Variants in NUDT5 observed in about 807,000 individuals in gnomAD.
The protein encoded by NUDT5 is ADP-sugar pyrophosphatase.
In NUDT5, 21 loss-of-function variants were observed where a neutral mutation model predicts 34.1. The ratio of observed to expected loss-of-function variants is 0.62; its 90% CI spans 0.44 to 0.89. The LOEUF (loss-of-function observed/expected upper bound fraction) is 0.89, where lower values mean the gene tolerates loss of function less well. Ranked by LOEUF, NUDT5 falls within the 40% of genes least tolerant of loss-of-function variation. The pLI, the probability that NUDT5 is intolerant of heterozygous loss-of-function variation, is 0.00. For synonymous variants in NUDT5, 85 were observed against 97.6 expected (o/e 0.87, Z 0.76); for missense variants, 249 against 274.8 (o/e 0.91, Z 0.66).
chr10:12,186,641 T>G (rs1835135954), intron 1 of NUDT5, among the ~76,000 whole-genome samples: 1 of 151,800 alleles, frequency 6.6e-6, no homozygotes, highest in Non-Finnish European at 1.5e-5. Flanking sequence ...TCTTTTTTGT[T>G]TTTTTTGAGA....
rs1564422352 is a variant in NUDT5, at chr10:12,171,915, G to A, written c.487+850C>T. Among the ~76,000 whole-genome samples, 2 of 151,844 alleles carry A rather than the reference G, an allele frequency of 1.3e-5. No homozygotes were observed. The highest frequency in any genetic ancestry group is 4.8e-5 in the African/African-American group (2 of 41,302). On this transcript the variant is annotated intron_variant, in intron 7 of 9. Coordinates refer to ENST00000491614, the MANE Select transcript of NUDT5 (RefSeq NM_014142.4). The surrounding 1 kb of genome is among the most constrained non-coding windows in gnomAD (Gnocchi z 4.2). Reference sequence around the variant, plus strand: ...AATTTTTGTATTTTTAGTAGAGTCAGGGTTTCACCATGTTGGCCAGGCTGA... The same window carrying A: ...AATTTTTGTATTTTTAGTAGAGTCAAGGTTTCACCATGTTGGCCAGGCTGA...
chr10:12,177,534 A>T (rs912716946), intron 5 of NUDT5, among the ~76,000 whole-genome samples: 3 of 152,038 alleles, frequency 2.0e-5, no homozygotes, highest in African/African-American at 7.2e-5. Context: ...ACAAAACAAA[A>T]ACAAACAAAA....
At position 12,182,545 on chromosome 10, in the gene NUDT5, C is replaced by T. The variant is rs1332480216; in HGVS notation, c.131+2344G>A. Among the ~76,000 whole-genome samples, 1 of 152,094 alleles carries T rather than the reference C, an allele frequency of 6.6e-6. No individual in the cohort carries two copies. Among genetic ancestry groups the T allele is most frequent in the Non-Finnish European group, 1.5e-5 (1 of 68,026 alleles). ...GTATGGAAGAATGGACATGACCATG[C>T]TATAAATATGGTAGTTTGGTGGATT... On this transcript the variant is annotated intron_variant, in intron 3 of 9. Coordinates refer to ENST00000491614, the MANE Select transcript of NUDT5 (RefSeq NM_014142.4). This position sits in a 1 kb window ranked among gnomAD's most constrained non-coding sequence, Gnocchi z 4.3.
At chr10:12,190,095 G>A (rs1342008068) in intron 1 of NUDT5, among the ~76,000 whole-genome samples, 4 of 152,002 alleles carry the variant, frequency 2.6e-5, no homozygotes, top group Admixed American at 6.6e-5. Context: ...GGGTTTCACC[G>A]TGTTAGGATG....
At chr10:12,183,016 C>G (rs1031132271) in intron 3 of NUDT5, among the ~76,000 whole-genome samples, 5 of 152,202 alleles carry the variant, frequency 3.3e-5, no homozygotes, top group Non-Finnish European at 7.3e-5. Context: ...GGATTACAGG[C>G]GTGAGCCACT....
Position 12,168,035 on chromosome 10 carries a change from T to A in NUDT5, c.551-224A>T, listed in dbSNP as rs1834750552. The A allele has an allele frequency of 4.5e-6, 4 of 886,462 alleles. No homozygotes were observed. The highest frequency in any genetic ancestry group is 6.1e-6 in the Non-Finnish European group (4 of 654,796). 54.9% of individuals were successfully genotyped at this position (886,462 alleles called of 1,614,324 possible). On this transcript the variant is annotated intron_variant, in intron 9 of 9. Transcript: ENST00000491614. The surrounding 1 kb of genome is among the most constrained non-coding windows in gnomAD (Gnocchi z 4.8). ...GAACATCAGGGATAATGATTTTTTT[T>A]TTTTTTGGTGAGACAGTCTCGCTCT...
intron 7 of NUDT5, 69 bp downstream of exon 7, chr10:12,172,696 A>C: frequency 9.8e-7 from 1 of 1,023,242 alleles, no homozygotes; most frequent in Non-Finnish European, 1.5e-6. Context: ...TTAATAAATC[A>C]AACTAGCAGC....
chr10:12,192,923 C>T (rs1835258106), intron 1 of NUDT5, among the ~76,000 whole-genome samples: 1 of 147,800 alleles, frequency 6.8e-6, no homozygotes. Flanking sequence ...TTTGGGTACC[C>T]ACAATTGAAT....
In NUDT5 at chr10:12,184,936, C is replaced by A; in HGVS notation, c.84G>T (p.Trp28Cys). 3 of 1,579,212 alleles carry A rather than the reference C, an allele frequency of 1.9e-6. No individual in the cohort carries two copies. The highest frequency in any genetic ancestry group is 2.6e-6 in the Non-Finnish European group (3 of 1,152,736). The stretch of plus-strand genomic sequence containing the variant: ...TGTACGTTGTTTTTTCAAGCTTGAC[C>A]CATTTTCCTTCTGAAATTAACTAAA... ...ISEELISEGK[W>C]VKLEKTTYMD... The change falls in exon 3 of 10, where the codon TGG becomes TGT. Residue 28 changes from tryptophan to cysteine, a missense_variant. By Grantham distance (215) the Trp-to-Cys change is radical. Coordinates refer to ENST00000491614, the MANE Select transcript of NUDT5 (RefSeq NM_014142.4).
intron 3 of NUDT5, chr10:12,184,514 T>C (rs1473899225): frequency 9.0e-6 from 14 of 1,550,182 alleles, no homozygotes; most frequent in Non-Finnish European, 1.1e-5. Context: ...GCAATGTTGT[T>C]GTTTTCTCTT....
intron 1 of NUDT5, among the ~76,000 whole-genome samples, chr10:12,192,722 A>G (rs1996527): frequency 0.25 from 38,052 of 151,980 alleles, 6,157 homozygotes; most frequent in African/African-American, 0.45. Flanking sequence ...GAGGTGGCAC[A>G]CGCCAGTAGT....
Position 12,165,894 on chromosome 10 carries a change from C to T in NUDT5, c.*1808G>A, listed in dbSNP as rs928597136. 2.0e-5 allele frequency: 3 copies of T among 152,136 alleles called. No homozygotes were observed. The highest frequency in any genetic ancestry group is 7.2e-5 in the African/African-American group (3 of 41,410). The allele number at this position is 152,136 out of a possible 1,614,324, so 9.4% of individuals were successfully genotyped here. On this transcript the variant is annotated 3_prime_UTR_variant, in exon 10 of 10. Transcript: ENST00000491614. The stretch of plus-strand genomic sequence containing the variant: ...CCACTGTTACCATAAAAACATCCAC[C>T]CAGTGTTATGACGTCCGATTTTTTT...
Position 12,181,891 on chromosome 10 carries a change from C to G in NUDT5, c.132-2759G>C, listed in dbSNP as rs1284979388. ...CGGTGGCTCACGACTGTAGTCCTAG[C>G]ACTTTGGGAGGCCAAGGTGGGTGGA... On this transcript the variant is annotated intron_variant, in intron 3 of 9. Transcript: ENST00000491614. The surrounding 1 kb of genome is among the most constrained non-coding windows in gnomAD (Gnocchi z 5.0). Among the ~76,000 whole-genome samples the G allele has an allele frequency of 6.6e-6, 1 of 152,022 alleles. No homozygotes were observed. The highest frequency in any genetic ancestry group is 2.4e-5 in the African/African-American group (1 of 41,390).
intron 3 of NUDT5, among the ~76,000 whole-genome samples, chr10:12,179,537 A>G (rs1835011913): frequency 6.6e-6 from 1 of 152,238 alleles, no homozygotes; most frequent in Non-Finnish European, 1.5e-5. Flanking sequence ...AAAAGCTACT[A>G]TGGACAACGT....
intron 5 of NUDT5, among the ~76,000 whole-genome samples, chr10:12,174,661 A>G (rs745900170): frequency 1.3e-5 from 2 of 152,220 alleles, no homozygotes; most frequent in Non-Finnish European, 2.9e-5. Context: ...CAGTCGTCCT[A>G]TTCAGACCCA....
chr10:12,195,008 C>G (rs1835308022), intron 1 of NUDT5, among the ~76,000 whole-genome samples: 1 of 152,140 alleles, frequency 6.6e-6, no homozygotes, highest in Non-Finnish European at 1.5e-5. Context: ...ACTAAAAACA[C>G]AAAAATTAGC....
chr10:12,182,650 T>G lies in NUDT5; in HGVS notation c.131+2239A>C, dbSNP rs965119961. Among the ~76,000 whole-genome samples, 2 of 152,208 alleles carry G rather than the reference T, an allele frequency of 1.3e-5. No homozygotes were observed. The highest frequency in any genetic ancestry group is 2.9e-5 in the Non-Finnish European group (2 of 68,034). On this transcript the variant is annotated intron_variant, in intron 3 of 9. Coordinates refer to ENST00000491614, the MANE Select transcript of NUDT5 (RefSeq NM_014142.4). This position sits in a 1 kb window ranked among gnomAD's most constrained non-coding sequence, Gnocchi z 4.3. Reference sequence around the variant, plus strand: ...TATTTTCAGAAAAGTCCCCATATGATTCTGATGTACATCCCTGATTAGGAA... The same window carrying G: ...TATTTTCAGAAAAGTCCCCATATGAGTCTGATGTACATCCCTGATTAGGAA...
chr10:12,169,352 C>T lies in NUDT5; in HGVS notation c.550+1365G>A. 1 of 1,484,326 alleles carries T rather than the reference C, an allele frequency of 6.7e-7. No individual in the cohort carries two copies. Among genetic ancestry groups the T allele is most frequent in the South Asian group, 1.2e-5 (1 of 80,630 alleles). 91.9% of individuals were successfully genotyped at this position (1,484,326 alleles called of 1,614,324 possible). On this transcript the variant is annotated intron_variant, in intron 9 of 9. Transcript: ENST00000491614. The surrounding 1 kb of genome is among the most constrained non-coding windows in gnomAD (Gnocchi z 4.8). ...AAAGATAACCCCGCACGGCATTTCA[C>T]ACTTGCCTACGTCACCCTGCTTTCC...
rs1458992485 is a variant in NUDT5, at chr10:12,165,622, C to T, written c.*2080G>A. On this transcript the variant is annotated 3_prime_UTR_variant, in exon 10 of 10. Coordinates refer to ENST00000491614, the MANE Select transcript of NUDT5 (RefSeq NM_014142.4). ...CTCAAAACAACAATATCCCAGTCTC[C>T]ATTTGAAAGAGCATAGATCTTGGTA... 6.6e-6 allele frequency: 1 copy of T among 152,380 alleles called. No homozygotes were observed. The highest frequency in any genetic ancestry group is 6.5e-5 in the Admixed American group (1 of 15,282). 9.4% of individuals were successfully genotyped at this position (152,380 alleles called of 1,614,324 possible).
Sources: allele counts gnomAD v4.1 joint callset (sites outside exome capture counted in the v4.1 genomes callset), GRCh38; gene constraint gnomAD v4.1.1; non-coding constraint Gnocchi (gnomAD v3.1); transcripts MANE v1.5; gene names NCBI Gene and HGNC (gene_info 2026-07-23, HGNC 2026-07-21).